The following CAMK1D variants were observed in gnomAD, a reference collection of about 807,000 sequenced individuals.
CAMK1D encodes calcium/calmodulin-dependent protein kinase type 1D.
In CAMK1D, 9 loss-of-function variants were observed where a neutral mutation model predicts 47.7. That is an observed-to-expected ratio of 0.19 (90% CI 0.11 to 0.33). The LOEUF is 0.33. Among genes scored for constraint, CAMK1D ranks in the 10% least tolerant of loss-of-function variants. The probability of loss-of-function intolerance (pLI) is 1.00; values close to 1 mark genes in which losing one functional copy is unlikely to be tolerated. For missense variants in CAMK1D, 291 were observed against 488.7 expected, an observed-to-expected ratio of 0.60 and a Z score of 3.81; for synonymous variants, 184 against 184.9, an observed-to-expected ratio of 0.99 and a Z score of 0.04.
chr10:12,370,292 T>TA (rs1308841436), intron 1 of CAMK1D, among the ~76,000 whole-genome samples: 1 of 152,104 alleles, frequency 6.6e-6, no homozygotes, highest in Non-Finnish European at 1.5e-5. Flanking sequence ...GTCCGGCACA[T>TA]ACAATTATGT....
At chr10:12,764,336 G>A (rs112605065) in intron 4 of CAMK1D, among the ~76,000 whole-genome samples, 5,012 of 129,208 alleles carry the variant, frequency 0.039, 278 homozygotes, top group African/African-American at 0.14. Context: ...AGCCGAGATC[G>A]CACCATTGCA....
chr10:12,625,059 G>A (rs1839166291), intron 2 of CAMK1D, among the ~76,000 whole-genome samples: 1 of 151,812 alleles, frequency 6.6e-6, no homozygotes, highest in South Asian at 2.1e-4. Context: ...TTACCTGGCT[G>A]GGCATGGTGG....
intron 1 of CAMK1D, among the ~76,000 whole-genome samples, chr10:12,407,460 C>G (rs1839478950): frequency 6.6e-6 from 1 of 152,236 alleles, no homozygotes; most frequent in Non-Finnish European, 1.5e-5. Flanking sequence ...GCCTTCTCCC[C>G]CATCCCTGTC....
chr10:12,798,695 A>T (rs1285479097), intron 6 of CAMK1D, among the ~76,000 whole-genome samples: 1 of 152,242 alleles, frequency 6.6e-6, no homozygotes, highest in Non-Finnish European at 1.5e-5. Flanking sequence ...TGTGTATGAG[A>T]AAAGAGATGC....
chr10:12,605,489 CCCCTGCCCAG>C (rs1236513434), intron 2 of CAMK1D, among the ~76,000 whole-genome samples: 1 of 152,156 alleles, frequency 6.6e-6, no homozygotes, highest in Non-Finnish European at 1.5e-5. Flanking sequence ...TGGCTGCCCA[CCCCTGCCCAG>C]CACCTGGTGA....
At chr10:12,804,301 C>G (rs2493760) in intron 6 of CAMK1D, among the ~76,000 whole-genome samples, 4,584 of 152,196 alleles carry the variant, frequency 0.03, 107 homozygotes, top group Middle Eastern at 0.088. Flanking sequence ...AAAGAATAAT[C>G]GATCGACAAA....
chr10:12,379,935 C>T (rs1431806684), intron 1 of CAMK1D, among the ~76,000 whole-genome samples: 1 of 152,066 alleles, frequency 6.6e-6, no homozygotes, highest in Admixed American at 6.6e-5. Context: ...GTGTTGTTGG[C>T]CGGGCGCGGT....
chr10:12,400,380 G>A (rs1839133774), intron 1 of CAMK1D, among the ~76,000 whole-genome samples: 1 of 152,114 alleles, frequency 6.6e-6, no homozygotes, highest in Non-Finnish European at 1.5e-5. Flanking sequence ...GCAGTCAAGC[G>A]AAGTGCTGAG....
At chr10:12,673,390 A>G (rs1468363492) in intron 3 of CAMK1D, among the ~76,000 whole-genome samples, 7 of 152,082 alleles carry the variant, frequency 4.6e-5, no homozygotes, top group African/African-American at 1.7e-4. Flanking sequence ...TTATTCTGAA[A>G]TATTTTTTAT....
intron 2 of CAMK1D, among the ~76,000 whole-genome samples, chr10:12,575,509 C>T (rs890738289): frequency 2.6e-5 from 4 of 152,184 alleles, no homozygotes; most frequent in African/African-American, 7.2e-5. Context: ...ATTTGGAGGA[C>T]GTCCAGGGCA....
chr10:12,615,868 A>ACG (rs1838784601), intron 2 of CAMK1D, among the ~76,000 whole-genome samples: 3 of 151,716 alleles, frequency 2.0e-5, no homozygotes, highest in African/African-American at 7.3e-5. Flanking sequence ...GTATGCATGT[A>ACG]TGTGTATAAG....
At chr10:12,810,000 T>C (rs1309635889) in intron 6 of CAMK1D, among the ~76,000 whole-genome samples, 1 of 151,040 alleles carries the variant, frequency 6.6e-6, no homozygotes, top group East Asian at 2.0e-4. Flanking sequence ...TAAAAAAAAA[T>C]AGCTGGGCAT....
intron 2 of CAMK1D, among the ~76,000 whole-genome samples, chr10:12,613,490 C>T (rs1371039699): frequency 1.3e-5 from 2 of 152,252 alleles, no homozygotes; most frequent in Admixed American, 6.5e-5. Context: ...CCCATTTCAA[C>T]ACTTTGTCCA....
At chr10:12,446,990 A>C (rs1390797037) in intron 1 of CAMK1D, among the ~76,000 whole-genome samples, 1 of 152,184 alleles carries the variant, frequency 6.6e-6, no homozygotes, top group Admixed American at 6.5e-5. Context: ...TCCCCAATTC[A>C]TCCTAAGACA....
intron 1 of CAMK1D, among the ~76,000 whole-genome samples, chr10:12,446,585 C>G (rs1832931641): frequency 6.6e-6 from 1 of 152,196 alleles, no homozygotes; most frequent in Non-Finnish European, 1.5e-5. Flanking sequence ...CCCAGTAGGT[C>G]TCAGCCTCAT....
chr10:12,798,622 G>A (rs747373190), intron 6 of CAMK1D, among the ~76,000 whole-genome samples: 14 of 152,144 alleles, frequency 9.2e-5, no homozygotes, highest in Non-Finnish European at 2.1e-4. Context: ...TTCAATATCT[G>A]CCTAGAGAGA....
At chr10:12,465,480 G>A (rs137870791) in intron 1 of CAMK1D, among the ~76,000 whole-genome samples, 2 of 152,194 alleles carry the variant, frequency 1.3e-5, no homozygotes, top group East Asian at 1.9e-4. Context: ...TCAGCCTTCC[G>A]AGTAGCTCGG....
At chr10:12,693,959 T>C (rs1445613676) in intron 3 of CAMK1D, among the ~76,000 whole-genome samples, 2 of 36,532 alleles carry the variant, frequency 5.5e-5, no homozygotes, top group Non-Finnish European at 1.0e-4. Flanking sequence ...ATATATATTA[T>C]ATATAAAATA....
At chr10:12,686,613 C>T (rs1478318129) in intron 3 of CAMK1D, among the ~76,000 whole-genome samples, 1 of 152,148 alleles carries the variant, frequency 6.6e-6, no homozygotes, top group Non-Finnish European at 1.5e-5. Context: ...CATTAGCCAC[C>T]ACACCTGGCC....
Sources: allele counts gnomAD v4.1 joint callset (sites outside exome capture counted in the v4.1 genomes callset), GRCh38; gene constraint gnomAD v4.1.1; transcripts MANE v1.5; gene names NCBI Gene and HGNC (gene_info 2026-07-23, HGNC 2026-07-21).